SOX5: variants seen among roughly 807,000 people sequenced by gnomAD.
SOX5 encodes SRY-box transcription factor 5.
A neutral mutation model predicts 92.0 loss-of-function variants in SOX5; 9 were observed. That is an observed-to-expected ratio of 0.10 (90% CI 0.06 to 0.17). The LOEUF is 0.17. Ranked by LOEUF, SOX5 falls within the 10% of genes least tolerant of loss-of-function variation. SOX5 has a pLI of 1.00. For missense variants in SOX5, 642 were observed against 944.5 expected (o/e 0.68, Z 4.20); for synonymous variants, 344 against 336.3 (o/e 1.02, Z -0.25).
intron 1 of SOX5, among the ~76,000 whole-genome samples, chr12:24,448,264 G>A (rs1288817925): frequency 6.6e-6 from 1 of 151,810 alleles, no homozygotes; most frequent in Non-Finnish European, 1.5e-5. Flanking sequence ...ATCCTGAAAG[G>A]CACAATAACC....
chr12:23,840,462 T>C lies in SOX5; in HGVS notation c.481+5521A>G, dbSNP rs75617242. On this transcript the variant is annotated intron_variant, in intron 3 of 14. Coordinates refer to ENST00000451604, the MANE Select transcript of SOX5 (RefSeq NM_006940.6). ...CCAATACAATCCAAGTAAGTTATTTTGTGGATATCAACAAATTGATTCTAA... is the reference window on the plus strand; with the variant it reads ...CCAATACAATCCAAGTAAGTTATTTCGTGGATATCAACAAATTGATTCTAA... Among the ~76,000 whole-genome samples, 985 of 152,238 alleles carry C rather than the reference T, an allele frequency of 6.5e-3. 2 individuals carry two copies. The highest frequency in any genetic ancestry group is 0.01 in the Non-Finnish European group (692 of 67,980).
At chr12:24,334,587 G>C (rs1309696240) in intron 2 of SOX5, among the ~76,000 whole-genome samples, 1 of 152,124 alleles carries the variant, frequency 6.6e-6, no homozygotes, top group African/African-American at 2.4e-5. Flanking sequence ...ACTGCCAATG[G>C]AAAGTTACCA....
intron 4 of SOX5, among the ~76,000 whole-genome samples, chr12:24,045,960 G>A (rs1195058027): frequency 2.0e-5 from 3 of 152,112 alleles, no homozygotes; most frequent in East Asian, 1.9e-4. Flanking sequence ...TGTATTCAAC[G>A]GAGGCTTGTG....
intron 7 of SOX5, among the ~76,000 whole-genome samples, chr12:23,650,579 G>A (rs567025815): frequency 2.0e-5 from 3 of 152,112 alleles, no homozygotes; most frequent in Non-Finnish European, 4.4e-5. Context: ...TTTCTTTCAT[G>A]TCATGGGCTG....
At chr12:24,443,418 C>T (rs749314427) in intron 1 of SOX5, among the ~76,000 whole-genome samples, 6 of 152,112 alleles carry the variant, frequency 3.9e-5, no homozygotes, top group Admixed American at 6.5e-5. Flanking sequence ...TGTTGAAAAT[C>T]GCTGATTGAA....
chr12:24,101,401 C>T (rs1946076625), intron 4 of SOX5, among the ~76,000 whole-genome samples: 1 of 152,152 alleles, frequency 6.6e-6, no homozygotes, highest in Non-Finnish European at 1.5e-5. Flanking sequence ...CCTTTAGAAG[C>T]TCTATCCTGC....
At chr12:24,016,237 C>A (rs149475799) in intron 4 of SOX5, among the ~76,000 whole-genome samples, 1 of 152,178 alleles carries the variant, frequency 6.6e-6, no homozygotes, top group Non-Finnish European at 1.5e-5. Flanking sequence ...AACATGGAAT[C>A]CAAATAATAA....
chr12:24,016,590 A>G (rs1953639448), intron 4 of SOX5, among the ~76,000 whole-genome samples: 2 of 152,198 alleles, frequency 1.3e-5, no homozygotes, highest in Admixed American at 1.3e-4. Context: ...ATGGGCTCTA[A>G]TGACTTTGGA....
chr12:23,632,330 C>G (rs1457984897), intron 8 of SOX5: 1 of 152,070 alleles, frequency 6.6e-6, no homozygotes, highest in Non-Finnish European at 1.5e-5. Flanking sequence ...AGCAGTTGAT[C>G]ATTATTCACC....
At chr12:23,684,873 A>G (rs1187831623) in intron 6 of SOX5, among the ~76,000 whole-genome samples, 1 of 152,150 alleles carries the variant, frequency 6.6e-6, no homozygotes, top group African/African-American at 2.4e-5. Context: ...TACCATAAGC[A>G]TGGCTGCTAA....
chr12:24,311,296 A>G (rs1949149724), intron 2 of SOX5, among the ~76,000 whole-genome samples: 1 of 152,216 alleles, frequency 6.6e-6, no homozygotes, highest in Admixed American at 6.5e-5. Flanking sequence ...ACTTAGCATA[A>G]AAATATAGTT....
At chr12:24,249,474 C>T (rs145491587) in intron 3 of SOX5, among the ~76,000 whole-genome samples, 2 of 152,264 alleles carry the variant, frequency 1.3e-5, no homozygotes, top group East Asian at 1.9e-4. Context: ...GGCAGGTTTT[C>T]GTGGTGTATC....
At chr12:23,848,020 T>A (rs1355474318) in intron 2 of SOX5, among the ~76,000 whole-genome samples, 1 of 152,124 alleles carries the variant, frequency 6.6e-6, no homozygotes, top group Non-Finnish European at 1.5e-5. Context: ...ATAACACACA[T>A]TAGCTTAGTT....
chr12:23,903,439 C>T (rs1595516813), intron 1 of SOX5, among the ~76,000 whole-genome samples: 1 of 152,204 alleles, frequency 6.6e-6, no homozygotes, highest in East Asian at 1.9e-4. Flanking sequence ...TCAAAATTAG[C>T]CGGGTATGAT....
At chr12:24,227,720 C>T (rs367991260) in intron 3 of SOX5, 4 of 152,134 alleles carry the variant, frequency 2.6e-5, no homozygotes, top group South Asian at 2.1e-4. Context: ...GGGCACTAAT[C>T]GAAGCACCTC....
At chr12:23,686,153 G>T (rs976473948) in intron 6 of SOX5, among the ~76,000 whole-genome samples, 3 of 152,124 alleles carry the variant, frequency 2.0e-5, no homozygotes, top group Non-Finnish European at 4.4e-5. Flanking sequence ...TATAAAAAGA[G>T]AATGCTGAAA....
At chr12:24,021,699 CCTT>C (rs1253258676) in intron 4 of SOX5, among the ~76,000 whole-genome samples, 1 of 152,128 alleles carries the variant, frequency 6.6e-6, no homozygotes, top group Admixed American at 6.6e-5. Flanking sequence ...CGAATGTAAT[CCTT>C]CTATGAGATG....
At chr12:24,091,503 C>G (rs2137779861) in intron 4 of SOX5, among the ~76,000 whole-genome samples, 1 of 144,082 alleles carries the variant, frequency 6.9e-6, no homozygotes, top group East Asian at 2.0e-4. Flanking sequence ...GATCTCGGCT[C>G]ACTGCAACCT....
intron 4 of SOX5, among the ~76,000 whole-genome samples, chr12:24,145,439 G>A (rs1950983596): frequency 6.6e-6 from 1 of 152,060 alleles, no homozygotes; most frequent in Non-Finnish European, 1.5e-5. Flanking sequence ...AGAAACTCTA[G>A]TTTAAATATA....
Sources: allele counts gnomAD v4.1 joint callset (sites outside exome capture counted in the v4.1 genomes callset), GRCh38; gene constraint gnomAD v4.1.1; transcripts MANE v1.5; gene names NCBI Gene and HGNC (gene_info 2026-07-23, HGNC 2026-07-21).